ANO4: variants seen among roughly 807,000 people sequenced by gnomAD.
The protein encoded by ANO4 is anoctamin 4.
A neutral mutation model predicts 141.9 loss-of-function variants in ANO4; 69 were observed. The observed-to-expected ratio is 0.49, with a 90% CI of 0.40 to 0.59. The LOEUF is 0.59. Among genes scored for constraint, ANO4 ranks in the 20% least tolerant of loss-of-function variants. The pLI is 0.00. For synonymous variants in ANO4, 350 were observed against 394.3 expected (o/e 0.89, Z 1.33); for missense variants, 894 against 1,162.2 (o/e 0.77, Z 3.36).
intron 14 of ANO4, among the ~76,000 whole-genome samples, chr12:101,063,705 A>T (rs2048441760): frequency 7.5e-6 from 1 of 134,014 alleles, no homozygotes; most frequent in East Asian, 2.2e-4. Context: ...CTTTTAATGC[A>T]ATCTTAGTCA....
At chr12:100,858,728 T>A (rs1375671025) in intron 1 of ANO4, among the ~76,000 whole-genome samples, 1 of 152,150 alleles carries the variant, frequency 6.6e-6, no homozygotes, top group Non-Finnish European at 1.5e-5. Context: ...CATAGTAGGA[T>A]TTGGGGTCCA....
At chr12:101,098,519 G>A (rs2050071742) in intron 21 of ANO4, among the ~76,000 whole-genome samples, 1 of 152,140 alleles carries the variant, frequency 6.6e-6, no homozygotes, top group Non-Finnish European at 1.5e-5. Context: ...AAAACTCAAG[G>A]TTTCAGGGAG....
chr12:100,895,394 C>G (rs1220187661), intron 1 of ANO4, among the ~76,000 whole-genome samples: 1 of 152,030 alleles, frequency 6.6e-6, no homozygotes, highest in Non-Finnish European at 1.5e-5. Context: ...TTTACATAGG[C>G]ACACTGCTAA....
chr12:101,083,728 G>A lies in ANO4; in HGVS notation c.1446G>A (p.Met482Ile). 1 of 1,608,968 alleles carries A rather than the reference G, an allele frequency of 6.2e-7. No individual in the cohort carries two copies. The highest frequency in any genetic ancestry group is 1.7e-4 in the Middle Eastern group (1 of 6,050). ...FEAKYSKKER[M>I]NPISGKPEPY... ...CCAAGTATTCCAAGAAAGAGCGGAT[G>A]AATCCAATTTCTGGAAAGCCAGAAC... Residue 482 changes from methionine (M) to isoleucine (I), a missense_variant, in exon 16 of 28, where the codon ATG becomes ATA. Transcript: ENST00000392977.
chr12:101,051,707 G>A (rs1392755413), intron 14 of ANO4, among the ~76,000 whole-genome samples: 1 of 152,190 alleles, frequency 6.6e-6, no homozygotes, highest in Non-Finnish European at 1.5e-5. Context: ...TCATATGACA[G>A]ATAAGGAAAC....
In ANO4 at chr12:100,825,220, G is replaced by A. The variant is rs201945928; in HGVS notation, c.-141+30193G>A. 2.0e-5 allele frequency among the ~76,000 whole-genome samples: 3 copies of A among 152,052 alleles called. No homozygotes were observed. The East Asian group carries it at 5.9e-4, about 30-fold the overall frequency. ...GTTTAGGAAGGAAAATTAATAATTA[G>A]TTTGACAATCTACTTGAAGTCAAAC... On this transcript the variant is annotated intron_variant, in intron 1 of 27. Transcript: ENST00000392977.
intron 12 of ANO4, among the ~76,000 whole-genome samples, chr12:101,043,198 A>G (rs561649532): frequency 6.6e-6 from 1 of 152,240 alleles, no homozygotes; most frequent in Admixed American, 6.5e-5. Context: ...GTATCTTTAT[A>G]TATCTTCTTA....
chr12:100,810,009 C>T (rs2035302790), intron 1 of ANO4, among the ~76,000 whole-genome samples: 1 of 152,028 alleles, frequency 6.6e-6, no homozygotes, highest in Non-Finnish European at 1.5e-5. Context: ...AGCAGTGTGC[C>T]AGACAGATAT....
At chr12:100,739,513 C>T (rs542402731) in intron 2 of ANO4, among the ~76,000 whole-genome samples, 90 of 152,260 alleles carry the variant, frequency 5.9e-4, no homozygotes, top group Admixed American at 1.2e-3. Context: ...TCCCCTTGTA[C>T]AATTGCTGTG....
intron 1 of ANO4, among the ~76,000 whole-genome samples, chr12:100,825,301 A>G (rs1344523496): frequency 1.3e-5 from 2 of 152,014 alleles, no homozygotes; most frequent in African/African-American, 2.4e-5. Context: ...GCTAATATTT[A>G]TTGAGGGACT....
intron 7 of ANO4, among the ~76,000 whole-genome samples, chr12:100,978,596 CTT>C (rs1315525113): frequency 6.6e-6 from 1 of 152,186 alleles, no homozygotes; most frequent in Admixed American, 6.5e-5. Context: ...ATCTCTATCT[CTT>C]TAGTTTTCAC....
chr12:101,073,379 A>G (rs1298997706), intron 14 of ANO4, among the ~76,000 whole-genome samples: 1 of 152,098 alleles, frequency 6.6e-6, no homozygotes, highest in East Asian at 1.9e-4. Flanking sequence ...CAGTGAGAAC[A>G]CTTGGACACA....
At chr12:100,840,831 T>A (rs2037202554) in intron 1 of ANO4, among the ~76,000 whole-genome samples, 1 of 152,150 alleles carries the variant, frequency 6.6e-6, no homozygotes, top group Non-Finnish European at 1.5e-5. Context: ...GCCAAAGGCA[T>A]CTATTAGGCT....
In ANO4 at chr12:100,740,078, C is replaced by CA. The variant is rs1390508445; in HGVS notation, c.332dup (p.Glu112GlyfsTer18). 1 of 702,544 alleles carries CA rather than the reference C, an allele frequency of 1.4e-6. No individual in the cohort carries two copies. The highest frequency in any genetic ancestry group is 2.6e-6 in the Non-Finnish European group (1 of 384,714). 43.5% of individuals were successfully genotyped at this position (702,544 alleles called of 1,614,324 possible). A position where few individuals can be genotyped will look rare whatever the true frequency, so the allele number is the denominator to read the frequency against. ...AGTGCCTTCTTACAGCAGTAGCAGCCAGGAAACCCTGAGTCAAGACACAAC... is the reference window on the plus strand; with the variant it reads ...AGTGCCTTCTTACAGCAGTAGCAGCCAAGGAAACCCTGAGTCAAGACACAAC... On this transcript the variant is annotated frameshift_variant, in exon 3 of 30. Coordinates refer to the ANO4 transcript ENST00000644049. LOFTEE classifies it high-confidence loss of function.
At chr12:101,010,051 G>C (rs972669434) in intron 8 of ANO4, among the ~76,000 whole-genome samples, 4 of 152,064 alleles carry the variant, frequency 2.6e-5, no homozygotes, top group African/African-American at 4.8e-5. Context: ...CCCAGAACTG[G>C]TTTAGCATTC....
chr12:100,839,446 C>T (rs2037120272), intron 1 of ANO4, among the ~76,000 whole-genome samples: 1 of 151,948 alleles, frequency 6.6e-6, no homozygotes, highest in South Asian at 2.1e-4. Context: ...AATGTAGGTA[C>T]AAGAATATAT....
At chr12:100,814,292 T>C (rs2035605289) in intron 1 of ANO4, among the ~76,000 whole-genome samples, 1 of 152,172 alleles carries the variant, frequency 6.6e-6, no homozygotes, top group South Asian at 2.1e-4. Flanking sequence ...TTATAGTAAG[T>C]TTACCAAGTT....
At chr12:100,815,353 C>A (rs943831302) in intron 1 of ANO4, among the ~76,000 whole-genome samples, 2 of 152,046 alleles carry the variant, frequency 1.3e-5, no homozygotes, top group African/African-American at 4.8e-5. Flanking sequence ...TTGACAAGTC[C>A]TGGAACTTGC....
At chr12:100,988,247 C>G (rs776665592) in intron 8 of ANO4, among the ~76,000 whole-genome samples, 1 of 152,060 alleles carries the variant, frequency 6.6e-6, no homozygotes, top group Non-Finnish European at 1.5e-5. Flanking sequence ...AACAAGTTGG[C>G]TAAGTCACTG....
Sources: gnomAD v4.1 joint callset for allele counts (sites outside exome capture counted in the v4.1 genomes callset) on GRCh38, gnomAD v4.1.1 for gene constraint, MANE v1.5 for transcripts, NCBI Gene and HGNC (gene_info 2026-07-23, HGNC 2026-07-21) for gene names.